The following THOC2 variants were observed in gnomAD, a reference collection of about 807,000 sequenced individuals.
THOC2 encodes THO complex subunit 2, also known as THO complex 2.
THOC2 carries 10 observed loss-of-function variants against 128.4 expected under a neutral mutation model. The ratio of observed to expected loss-of-function variants is 0.08; its 90% CI spans 0.05 to 0.13. THOC2 has a LOEUF of 0.13. Among genes scored for constraint, THOC2 ranks in the 10% least tolerant of loss-of-function variants. The probability of loss-of-function intolerance (pLI) is 1.00; values close to 1 mark genes in which losing one functional copy is unlikely to be tolerated. For missense variants in THOC2, 535 were observed against 1,155.7 expected (o/e 0.46, Z 7.79); for synonymous variants, 393 against 396.9 (o/e 0.99, Z 0.12).
intron 38 of THOC2, among the ~76,000 whole-genome samples, chrX:123,609,473 T>G (rs766609474): frequency 1.8e-5 from 2 of 111,560 alleles, no homozygotes; most frequent in East Asian, 5.7e-4. Context: ...AAAATAAAGA[T>G]GACAAAATCC....
At chrX:123,665,063 A>C (rs2048995350) in intron 12 of THOC2, among the ~76,000 whole-genome samples, 2 of 111,405 alleles carry the variant, frequency 1.8e-5, no homozygotes, top group South Asian at 7.6e-4. Flanking sequence ...GACTTGACTA[A>C]TAATCTCGCT....
rs370111113 is a variant in THOC2 at position 123,638,132 on chromosome X, C to A, written c.1841-9G>T. ...AGCTTCAATGATACAATCTTTCATA[C>A]ATTAAGAAAAAACTAAGTCATTACA... On this transcript the variant is annotated splice_polypyrimidine_tract_variant and intron_variant, in intron 17 of 38. Transcript: ENST00000245838. 8 of 1,125,148 alleles carry A rather than the reference C, an allele frequency of 7.1e-6. No individual in the cohort carries two copies. Among genetic ancestry groups the A allele is most frequent in the Non-Finnish European group, 8.4e-6 (7 of 830,503 alleles). 92.7% of individuals were successfully genotyped at this position (1,125,148 alleles called of 1,213,427 possible).
At chrX:123,657,493 T>C (rs1003583433) in intron 12 of THOC2, among the ~76,000 whole-genome samples, 1 of 109,868 alleles carries the variant, frequency 9.1e-6, no homozygotes, top group Non-Finnish European at 1.9e-5. Context: ...ATGTTATAAC[T>C]ACAGAAAATC....
rs768540306 is a variant in THOC2, at chrX:123,613,689, C to T, written c.4469G>A (p.Arg1490His). ...CTTGGTTAAGTCCGGTGGCACTTCA[C>T]GGTCGTTGTTTGAGTGATCCTAGAA... ...ERKRDHSNND[R>H]EVPPDLTKRR... is the part of the protein sequence containing the mutation. The change falls in exon 35 of 39, where the codon CGT becomes CAT. Residue 1490 changes from arginine (R) to histidine (H), a missense_variant. Around this residue, in one of 9 missense-constraint regions of THOC2, gnomAD observed 39 missense variants for 93.1 expected, o/e 0.42. Transcript: ENST00000245838. 2 of 1,210,334 alleles carry T rather than the reference C, an allele frequency of 1.7e-6. No individual in the cohort carries two copies. The highest frequency in any genetic ancestry group is 2.2e-5 in the Admixed American group (1 of 45,952).
intron 1 of THOC2, among the ~76,000 whole-genome samples, chrX:123,727,801 T>C (rs1168497556): frequency 1.8e-5 from 2 of 111,962 alleles, no homozygotes; most frequent in African/African-American, 6.5e-5. Context: ...TTTAGTGCTA[T>C]TATGGAGATG....
At position 123,614,133 on chromosome X, in the gene THOC2, G is replaced by A; in HGVS notation, c.4368C>T (p.Asp1456=). The A allele has an allele frequency of 8.3e-7, 1 of 1,201,091 alleles. No individual in the cohort carries two copies. Among genetic ancestry groups the A allele is most frequent in the Non-Finnish European group, 1.1e-6 (1 of 888,714 alleles). ...PLSKSKEREM[D]KKDLDKSRER... Reference sequence around the variant, plus strand: ...CCCTTGACTTGTCCAAATCTTTCTTGTCCATTTCTCTCTCCTTACTCTTGG... The same window carrying A: ...CCCTTGACTTGTCCAAATCTTTCTTATCCATTTCTCTCTCCTTACTCTTGG... The change falls in exon 34 of 39, where the codon GAC becomes GAT. Residue 1456 remains aspartate (D), a synonymous_variant. Coordinates refer to ENST00000245838, the MANE Select transcript of THOC2 (RefSeq NM_001081550.2).
rs776092894 is a variant in THOC2, at chrX:123,686,627, G to C, written c.689C>G (p.Ser230Cys). ...CRPEHDDFFI[S>C]LLESYMSMCE... Reference sequence around the variant, plus strand: ...CATACTCATGTAAGATTCTAACAAAGATATAAAGAAGTCATCGTGTTCTGG... The same window carrying C: ...CATACTCATGTAAGATTCTAACAAACATATAAAGAAGTCATCGTGTTCTGG... Residue 230 changes from serine to cysteine, a missense_variant, in exon 8 of 39, where the codon TCT (serine) becomes TGT (cysteine). By Grantham distance (112) the Ser-to-Cys change is moderately radical. This residue lies in a region of THOC2 where 197 missense variants were observed against 313.4 expected (regional missense o/e 0.63). Coordinates refer to ENST00000245838, the MANE Select transcript of THOC2 (RefSeq NM_001081550.2). 3.3e-6 allele frequency: 4 copies of C among 1,207,070 alleles called. No homozygotes were observed.
intron 1 of THOC2, among the ~76,000 whole-genome samples, chrX:123,723,391 A>G (rs1257541523): frequency 9.0e-6 from 1 of 111,175 alleles, no homozygotes; most frequent in African/African-American, 3.3e-5. Context: ...TAACAGAGCT[A>G]AAGTGTAACC....
intron 12 of THOC2, among the ~76,000 whole-genome samples, 194 bp from the exon 13 acceptor site, chrX:123,645,569 T>C (rs949899963): frequency 1.8e-5 from 2 of 112,731 alleles, no homozygotes; most frequent in Non-Finnish European, 3.7e-5. Context: ...AAGTCATACT[T>C]GACATCCATG....
intron 12 of THOC2, among the ~76,000 whole-genome samples, chrX:123,663,932 T>A (rs905935554): frequency 9.0e-6 from 1 of 111,560 alleles, no homozygotes; most frequent in Non-Finnish European, 1.9e-5. Flanking sequence ...TCCATGTCCC[T>A]GCAAAGGACA....
chrX:123,628,001 T>TACAC, intron 22 of THOC2, 33 bp from the exon 23 acceptor site: 1 of 1,051,164 alleles, frequency 9.5e-7, no homozygotes, highest in South Asian at 2.1e-5. Flanking sequence ...CATACATACA[T>TACAC]ACACACACAA....
At chrX:123,606,627 A>G (rs1432551408) in intron 38 of THOC2, among the ~76,000 whole-genome samples, 3 of 111,725 alleles carry the variant, frequency 2.7e-5, no homozygotes, top group Non-Finnish European at 5.6e-5. Flanking sequence ...AATGAAAAAT[A>G]AAATAAAGTA....
chrX:123,670,618 A>AAAC (rs1055094260), intron 9 of THOC2, among the ~76,000 whole-genome samples: 17 of 112,189 alleles, frequency 1.5e-4, no homozygotes, highest in Admixed American at 5.7e-4. Flanking sequence ...CTCTGTCTCA[A>AAAC]AACAACAACA....
intron 15 of THOC2, among the ~76,000 whole-genome samples, chrX:123,642,379 C>T (rs1039649215): frequency 4.7e-5 from 5 of 105,644 alleles, no homozygotes; most frequent in African/African-American, 1.4e-4. Flanking sequence ...GAGCCAAGAT[C>T]GTGCCACTGC....
chrX:123,650,843 C>T (rs1301704673), intron 12 of THOC2, among the ~76,000 whole-genome samples: 1 of 111,634 alleles, frequency 9.0e-6, no homozygotes, highest in Non-Finnish European at 1.9e-5. Context: ...ATTTTGGCTG[C>T]CACACAATAA....
At chrX:123,656,546 T>C (rs1398904773) in intron 12 of THOC2, among the ~76,000 whole-genome samples, 3 of 109,963 alleles carry the variant, frequency 2.7e-5, no homozygotes, top group Non-Finnish European at 5.7e-5. Context: ...CCGTCTCTAC[T>C]AAAAATATAA....
chrX:123,720,211 C>T (rs1302469474), intron 1 of THOC2, among the ~76,000 whole-genome samples: 5 of 110,300 alleles, frequency 4.5e-5, no homozygotes, highest in South Asian at 3.9e-4. Context: ...TTTTGGAGGC[C>T]GAGGCATGAG....
intron 8 of THOC2, among the ~76,000 whole-genome samples, chrX:123,680,077 C>A (rs1436009058): frequency 9.0e-6 from 1 of 111,556 alleles, no homozygotes; most frequent in Non-Finnish European, 1.9e-5. Context: ...CAGTCCGACA[C>A]CCGTAAAGGG....
intron 1 of THOC2, among the ~76,000 whole-genome samples, chrX:123,719,447 A>C (rs919119565): frequency 9.1e-6 from 1 of 110,496 alleles, no homozygotes; most frequent in Non-Finnish European, 1.9e-5. Context: ...CTGCAATCCT[A>C]GCCTTTTCGG....
Sources: allele counts gnomAD v4.1 joint callset (sites outside exome capture counted in the v4.1 genomes callset), GRCh38; gene constraint gnomAD v4.1.1; regional missense constraint gnomAD v4.1.1; transcripts MANE v1.5; gene names NCBI Gene and HGNC (gene_info 2026-07-23, HGNC 2026-07-21).